COL25A1: variants seen among roughly 807,000 people sequenced by gnomAD.
The protein encoded by COL25A1 is collagen type XXV alpha 1 chain, also known as collagen alpha-1(XXV) chain.
A neutral mutation model predicts 128.4 loss-of-function variants in COL25A1; 103 were observed. The observed-to-expected ratio is 0.80, with a 90% CI of 0.68 to 0.94. The LOEUF is 0.94. Ranked by LOEUF, COL25A1 falls within the 40% of genes least tolerant of loss-of-function variation. COL25A1 has a pLI of 0.00. For missense variants in COL25A1, 745 were observed against 840.0 expected (o/e 0.89, Z 1.40); for synonymous variants, 279 against 277.2 (o/e 1.01, Z -0.06).
At chr4:108,898,692 A>T (rs1057211604) in intron 15 of COL25A1, among the ~76,000 whole-genome samples, 1 of 152,044 alleles carries the variant, frequency 6.6e-6, no homozygotes, top group African/African-American at 2.4e-5. Flanking sequence ...GTAGAGAGAG[A>T]TGTGGGTGCT....
chr4:108,835,972 T>C (rs1034395660), intron 31 of COL25A1, among the ~76,000 whole-genome samples: 1 of 137,828 alleles, frequency 7.3e-6, no homozygotes, highest in Non-Finnish European at 1.6e-5. Flanking sequence ...CTCGGGTTTA[T>C]GCCATTCTCC....
At position 108,928,538 on chromosome 4, in the gene COL25A1, G is replaced by GTATT. The variant is rs767249614; in HGVS notation, c.709-7938_709-7935dup. Among the ~76,000 whole-genome samples the GTATT allele has an allele frequency of 1.6e-3, 237 of 145,180 alleles. 1 individual carries two copies. The East Asian group carries it at 0.021, about 13-fold the overall frequency. On this transcript the variant is annotated intron_variant, in intron 11 of 37. Coordinates refer to ENST00000399132, the MANE Select transcript of COL25A1 (RefSeq NM_198721.4). ...TGTATTTATTTATGTATTTATTTAT[G>GTATT]TATTTATTTATTTATTTCTACAGGG...
intron 3 of COL25A1, among the ~76,000 whole-genome samples, chr4:109,270,878 A>ACTTATTGAATT (rs1782147702): frequency 6.6e-6 from 1 of 152,194 alleles, no homozygotes. Flanking sequence ...TAATTACTAT[A>ACTTATTGAATT]ACTCACTTAT....
chr4:109,280,802 C>T (rs377423591), intron 3 of COL25A1, among the ~76,000 whole-genome samples: 1 of 152,038 alleles, frequency 6.6e-6, no homozygotes, highest in East Asian at 1.9e-4. Context: ...AGCACCACCA[C>T]ACCCGACTAA....
chr4:109,177,746 T>C (rs948351314), intron 3 of COL25A1, among the ~76,000 whole-genome samples: 2 of 152,222 alleles, frequency 1.3e-5, no homozygotes, highest in African/African-American at 2.4e-5. Context: ...AAAAACATTT[T>C]TGAATAATTT....
intron 3 of COL25A1, among the ~76,000 whole-genome samples, chr4:109,279,031 C>T (rs540996746): frequency 5.3e-5 from 8 of 151,382 alleles, no homozygotes; most frequent in African/African-American, 1.9e-4. Flanking sequence ...GGCCTCTGTC[C>T]TCATGAACTA....
intron 3 of COL25A1, among the ~76,000 whole-genome samples, chr4:109,104,721 G>GA (rs961781941): frequency 1.3e-4 from 19 of 150,846 alleles, no homozygotes; most frequent in Non-Finnish European, 4.4e-5. Context: ...TTCAACAACA[G>GA]AAAAAAAAGA....
intron 35 of COL25A1, 153 bp downstream of exon 35, chr4:108,824,021 C>T: frequency 6.2e-7 from 1 of 1,608,104 alleles, no homozygotes; most frequent in East Asian, 2.2e-5. Flanking sequence ...TCATTCCTCT[C>T]TGAAGACCTG....
chr4:109,288,004 G>A (rs1020412833), intron 3 of COL25A1, among the ~76,000 whole-genome samples: 1 of 150,840 alleles, frequency 6.6e-6, no homozygotes, highest in African/African-American at 2.4e-5. Flanking sequence ...GGAACTGGCT[G>A]GAAGTATCCA....
chr4:109,226,338 GT>G (rs1195021046), intron 3 of COL25A1, among the ~76,000 whole-genome samples: 2 of 152,018 alleles, frequency 1.3e-5, no homozygotes, highest in African/African-American at 4.8e-5. Flanking sequence ...ATATATCCAT[GT>G]GACAAAACTG....
At chr4:108,845,692 A>C (rs1419467649) in intron 28 of COL25A1, among the ~76,000 whole-genome samples, 1 of 152,172 alleles carries the variant, frequency 6.6e-6, no homozygotes, top group Non-Finnish European at 1.5e-5. Flanking sequence ...TCTCCTCCAA[A>C]TTCTCAGTTA....
intron 3 of COL25A1, among the ~76,000 whole-genome samples, chr4:109,248,862 A>G (rs1032574003): frequency 1.3e-5 from 2 of 152,184 alleles, no homozygotes; most frequent in Non-Finnish European, 2.9e-5. Context: ...AAGAAGAAGC[A>G]CTACTCAAGC....
intron 5 of COL25A1, among the ~76,000 whole-genome samples, chr4:109,044,291 T>C (rs549169533): frequency 6.6e-6 from 1 of 152,284 alleles, no homozygotes; most frequent in South Asian, 2.1e-4. Flanking sequence ...CACATAGTTA[T>C]ATATCCACAC....
chr4:109,252,786 T>C (rs1299176952), intron 3 of COL25A1, among the ~76,000 whole-genome samples: 1 of 152,044 alleles, frequency 6.6e-6, no homozygotes. Flanking sequence ...ACTAGGCGAG[T>C]TTCCCTTTAC....
In COL25A1 at chr4:109,257,816, T is replaced by C. The variant is rs151265407; in HGVS notation, c.367+42767A>G. The stretch of plus-strand genomic sequence containing the variant: ...AGAGAAATTAGTCCCAGATTGAGAC[T>C]TCAAAGACTGCACACTCCAGAAAAG... On this transcript the variant is annotated intron_variant, in intron 3 of 37. Transcript: ENST00000399132. Among the ~76,000 whole-genome samples, 329 of 152,194 alleles carry C rather than the reference T, an allele frequency of 2.2e-3. 1 individual carries two copies. The highest frequency in any genetic ancestry group is 7.4e-3 in the African/African-American group (308 of 41,522).
chr4:109,225,766 G>A (rs6825515), intron 3 of COL25A1, among the ~76,000 whole-genome samples: 13,103 of 151,688 alleles, frequency 0.086, 1,165 homozygotes, highest in African/African-American at 0.23. Context: ...ATTATATATT[G>A]TTAAATATCT....
At chr4:109,059,001 A>C (rs1044541200) in intron 3 of COL25A1, among the ~76,000 whole-genome samples, 1 of 152,202 alleles carries the variant, frequency 6.6e-6, no homozygotes, top group African/African-American at 2.4e-5. Context: ...AATAAGCACG[A>C]AGGCACAGGC....
At chr4:109,225,848 T>C (rs1318809686) in intron 3 of COL25A1, among the ~76,000 whole-genome samples, 1 of 152,064 alleles carries the variant, frequency 6.6e-6, no homozygotes, top group Non-Finnish European at 1.5e-5. Flanking sequence ...AATGGAACAC[T>C]ATTGTATTCC....
intron 5 of COL25A1, among the ~76,000 whole-genome samples, chr4:109,040,982 T>C (rs996178398): frequency 3.9e-5 from 6 of 152,158 alleles, no homozygotes; most frequent in Non-Finnish European, 8.8e-5. Flanking sequence ...AGAATGGCAG[T>C]GGCTCACTCT....
Sources: gnomAD v4.1 joint callset for allele counts (sites outside exome capture counted in the v4.1 genomes callset) on GRCh38, gnomAD v4.1.1 for gene constraint, MANE v1.5 for transcripts, NCBI Gene and HGNC (gene_info 2026-07-23, HGNC 2026-07-21) for gene names.